The following ST3GAL3 variants were observed in gnomAD, a reference collection of about 807,000 sequenced individuals.
The protein encoded by ST3GAL3 is CMP-N-acetylneuraminate-beta-1,4-galactoside alpha-2,3-sialyltransferase.
A neutral mutation model predicts 50.1 loss-of-function variants in ST3GAL3; 21 were observed. The ratio of observed to expected loss-of-function variants is 0.42; its 90% CI spans 0.30 to 0.60. The LOEUF (loss-of-function observed/expected upper bound fraction) is 0.60. ST3GAL3 is among the 20% of genes least tolerant of loss of function. The pLI is 0.19. For synonymous variants in ST3GAL3, 183 were observed against 190.0 expected (o/e 0.96, Z 0.30); for missense variants, 353 against 489.4 (o/e 0.72, Z 2.63).
intron 5 of ST3GAL3, among the ~76,000 whole-genome samples, chr1:43,877,940 G>T (rs1208874146): frequency 6.6e-6 from 1 of 152,162 alleles, no homozygotes; most frequent in South Asian, 2.1e-4. Flanking sequence ...CCATTTCTAG[G>T]GGTTCAGAAA....
chr1:43,869,400 C>A (rs1378507915), intron 5 of ST3GAL3, among the ~76,000 whole-genome samples: 2 of 152,018 alleles, frequency 1.3e-5, no homozygotes, highest in African/African-American at 4.8e-5. Flanking sequence ...CATAAAGGGC[C>A]CCTCCCTGTC....
chr1:43,763,248 T>A (rs1210408244), intron 2 of ST3GAL3, among the ~76,000 whole-genome samples: 2 of 152,178 alleles, frequency 1.3e-5, no homozygotes, highest in Non-Finnish European at 2.9e-5. Context: ...TATGAAAAGA[T>A]TTCTGAAATA....
chr1:43,811,360 C>G (rs58875444), intron 3 of ST3GAL3, among the ~76,000 whole-genome samples: 1 of 152,182 alleles, frequency 6.6e-6, no homozygotes, highest in Non-Finnish European at 1.5e-5. Flanking sequence ...ACTCTCTGGA[C>G]CTGACAAATA....
chr1:43,926,112 G>A (rs917510347), intron 11 of ST3GAL3, among the ~76,000 whole-genome samples: 4 of 152,116 alleles, frequency 2.6e-5, no homozygotes, highest in South Asian at 2.1e-4. Flanking sequence ...GGCTTCATAC[G>A]GGAATCTGTC....
At chr1:43,821,032 C>G (rs796506728) in intron 4 of ST3GAL3, among the ~76,000 whole-genome samples, 21 of 152,286 alleles carry the variant, frequency 1.4e-4, no homozygotes, top group African/African-American at 5.1e-4. Flanking sequence ...GATTTCATTT[C>G]TTTACTCTTT....
At position 43,920,940 on chromosome 1, in the gene ST3GAL3, G is replaced by A; in HGVS notation, c.1038+12G>A. 7.5e-6 allele frequency: 12 copies of A among 1,602,542 alleles called. No individual in the cohort carries two copies. Among genetic ancestry groups the A allele is most frequent in the Non-Finnish European group, 1.0e-5 (12 of 1,174,004 alleles). ...CAGCCATCAAAGAGGTTCGGGGCTGGGTATGGGGGCAATCCCTGGGTGGGG... is the reference window on the plus strand; with the variant it reads ...CAGCCATCAAAGAGGTTCGGGGCTGAGTATGGGGGCAATCCCTGGGTGGGG... On this transcript the variant is annotated intron_variant, in intron 11 of 11. Coordinates refer to ENST00000347631, the MANE Select transcript of ST3GAL3 (RefSeq NM_006279.5).
chr1:43,756,295 T>G (rs1688082349), intron 2 of ST3GAL3, among the ~76,000 whole-genome samples: 1 of 152,030 alleles, frequency 6.6e-6, no homozygotes. Context: ...AGATCAGTAT[T>G]TATCTGGGGT....
chr1:43,806,401 C>T (rs1039557378), intron 3 of ST3GAL3, among the ~76,000 whole-genome samples: 2 of 151,972 alleles, frequency 1.3e-5, no homozygotes, highest in African/African-American at 4.8e-5. Context: ...GAGGTTGCCA[C>T]GTGAACCAAG....
chr1:43,793,587 T>C (rs2058346335), intron 3 of ST3GAL3, among the ~76,000 whole-genome samples: 1 of 152,210 alleles, frequency 6.6e-6, no homozygotes. Context: ...CTCTCTCCCT[T>C]AGCATCTTTC....
chr1:43,849,071 G>A (rs1455510148), intron 5 of ST3GAL3, among the ~76,000 whole-genome samples: 1 of 152,010 alleles, frequency 6.6e-6, no homozygotes, highest in Non-Finnish European at 1.5e-5. Context: ...AGAGTTATTG[G>A]CAAATTGCCC....
At chr1:43,927,574 T>C (rs1346928500) in intron 11 of ST3GAL3, among the ~76,000 whole-genome samples, 4 of 152,144 alleles carry the variant, frequency 2.6e-5, no homozygotes. Context: ...GCAAACGAGT[T>C]TCCACATCTG....
At chr1:43,903,651 C>T (rs888770958) in intron 9 of ST3GAL3, among the ~76,000 whole-genome samples, 6 of 152,184 alleles carry the variant, frequency 3.9e-5, no homozygotes, top group Non-Finnish European at 7.3e-5. Flanking sequence ...AGCTGTACTT[C>T]AGTCCCTGGG....
At chr1:43,856,822 T>TC (rs1161154022) in intron 5 of ST3GAL3, among the ~76,000 whole-genome samples, 4 of 152,236 alleles carry the variant, frequency 2.6e-5, no homozygotes, top group Non-Finnish European at 5.9e-5. Context: ...TACTGCCTCC[T>TC]CCATTATTCA....
chr1:43,805,405 A>G (rs972413918), intron 3 of ST3GAL3, among the ~76,000 whole-genome samples: 2 of 152,228 alleles, frequency 1.3e-5, no homozygotes. Flanking sequence ...AAGGAAACCC[A>G]AGGGGCTTGT....
intron 1 of ST3GAL3, among the ~76,000 whole-genome samples, chr1:43,708,507 G>A (rs1662759412): frequency 6.6e-6 from 1 of 152,134 alleles, no homozygotes; most frequent in African/African-American, 2.4e-5. Context: ...CTCTTATTAG[G>A]TTACTAAAAG....
rs144163048 is a variant in ST3GAL3 at position 43,877,803 on chromosome 1, C to A, written c.303-16580C>A. On this transcript the variant is annotated intron_variant, in intron 5 of 11. Transcript: ENST00000347631. ...AGCAGATAGTGGTCAGCAATGACTG[C>A]CCTTGTGCCCCTTCCCTGAAGGTAG... Among the ~76,000 whole-genome samples the A allele has an allele frequency of 3.2e-3, 481 of 152,294 alleles. 1 individual carries two copies. Among genetic ancestry groups the A allele is most frequent in the African/African-American group, 0.011 (461 of 41,560 alleles).
rs1234918729 is a variant in ST3GAL3 at position 43,930,206 on chromosome 1, A to G, written c.1113A>G (p.Leu371=). 1 of 1,613,692 alleles carries G rather than the reference A, an allele frequency of 6.2e-7. No homozygotes were observed. The highest frequency in any genetic ancestry group is 2.2e-5 in the East Asian group (1 of 44,886). ...KLVKARVITD[L]SSGI is the part of the protein sequence containing the mutation. Reference sequence around the variant, plus strand: ...TGAAAGCTCGCGTCATCACTGATCTAAGCAGTGGCATCTGAGTGGGCCCAG... The same window carrying G: ...TGAAAGCTCGCGTCATCACTGATCTGAGCAGTGGCATCTGAGTGGGCCCAG... Residue 371 remains leucine (L), a synonymous_variant, in exon 12 of 12, where the codon CTA becomes CTG. Transcript: ENST00000347631.
chr1:43,810,398 G>T (rs985920833), intron 3 of ST3GAL3, among the ~76,000 whole-genome samples: 2 of 152,130 alleles, frequency 1.3e-5, no homozygotes, highest in African/African-American at 2.4e-5. Context: ...AGACGGGTAG[G>T]CCGGGTGGTT....
chr1:43,786,905 A>AT (rs1190329312), intron 2 of ST3GAL3, among the ~76,000 whole-genome samples: 1 of 152,064 alleles, frequency 6.6e-6, no homozygotes, highest in African/African-American at 2.4e-5. Context: ...CTTTTAGTTC[A>AT]TTTTTACGTC....
Sources: gnomAD v4.1 joint callset for allele counts (sites outside exome capture counted in the v4.1 genomes callset) on GRCh38, gnomAD v4.1.1 for gene constraint, MANE v1.5 for transcripts, NCBI Gene and HGNC (gene_info 2026-07-23, HGNC 2026-07-21) for gene names.